The following C12orf42 variants were observed in gnomAD, a reference collection of about 807,000 sequenced individuals.
C12orf42 encodes the protein chromosome 12 open reading frame 42.
In C12orf42, 25 loss-of-function variants were observed where a neutral mutation model predicts 21.6. That is an observed-to-expected ratio of 1.16 (90% confidence interval 0.84 to 1.62). The LOEUF (loss-of-function observed/expected upper bound fraction) is 1.62. Among genes scored for constraint, C12orf42 ranks in the 40% most tolerant of loss-of-function variants. The pLI, the probability that C12orf42 is intolerant of heterozygous loss-of-function variation, is 0.00. For missense variants in C12orf42, 483 were observed against 459.3 expected, an observed-to-expected ratio of 1.05 and a Z score of -0.47; for synonymous variants, 174 against 175.0, an observed-to-expected ratio of 0.99 and a Z score of 0.05.
chr12:103,480,845 T>C (rs1182180463), intron 1 of C12orf42, among the ~76,000 whole-genome samples: 1 of 151,658 alleles, frequency 6.6e-6, no homozygotes, highest in Non-Finnish European at 1.5e-5. Context: ...CATATGTGCT[T>C]AGATTCAATA....
At chr12:103,329,424 A>G (rs2041016877) in intron 4 of C12orf42, among the ~76,000 whole-genome samples, 1 of 152,122 alleles carries the variant, frequency 6.6e-6, no homozygotes, top group Non-Finnish European at 1.5e-5. Context: ...ACAAATACCT[A>G]ATGCATGTGG....
chr12:103,497,905 C>T (rs773588349), upstream of C12orf42, among the ~76,000 whole-genome samples: 46 of 152,116 alleles, frequency 3.0e-4, no homozygotes, highest in Non-Finnish European at 2.9e-5. Flanking sequence ...TGTGGTGGCA[C>T]GCGCCCATAG....
chr12:103,556,406 T>C, the C12orf42 span, among the ~76,000 whole-genome samples: 1 of 152,326 alleles, frequency 6.6e-6, no homozygotes, highest in African/African-American at 2.4e-5. Flanking sequence ...ATAAGGAATA[T>C]CAAGGCAATA....
At chr12:103,072,401 T>C in the C12orf42 span, among the ~76,000 whole-genome samples, 3 of 151,970 alleles carry the variant, frequency 2.0e-5, no homozygotes. Context: ...TCTCGGAAAC[T>C]TCTTTAACAA....
At chr12:103,179,405 T>C in the C12orf42 span, among the ~76,000 whole-genome samples, 28 of 152,170 alleles carry the variant, frequency 1.8e-4, no homozygotes, top group Non-Finnish European at 2.9e-4. Flanking sequence ...GGGCTGAGAT[T>C]TGAAGAATAT....
intron 3 of C12orf42, among the ~76,000 whole-genome samples, chr12:103,380,615 G>A (rs1475855839): frequency 1.3e-5 from 2 of 152,162 alleles, no homozygotes; most frequent in African/African-American, 4.8e-5. Context: ...TGCAAGGTAA[G>A]TTAGCTGAGA....
the C12orf42 span, among the ~76,000 whole-genome samples, chr12:103,520,382 AT>A: frequency 2.0e-5 from 3 of 152,094 alleles, no homozygotes; most frequent in Non-Finnish European, 4.4e-5. Flanking sequence ...CAGAATATCT[AT>A]TTTTTATTAT....
the C12orf42 span, among the ~76,000 whole-genome samples, chr12:103,070,839 G>A: frequency 6.6e-6 from 1 of 152,150 alleles, no homozygotes; most frequent in African/African-American, 2.4e-5. Flanking sequence ...TCATGAAAGT[G>A]AGTGTCAACA....
chr12:103,397,460 C>T (rs993106088), intron 3 of C12orf42, among the ~76,000 whole-genome samples: 2 of 152,106 alleles, frequency 1.3e-5, no homozygotes, highest in Non-Finnish European at 2.9e-5. Flanking sequence ...CACAGGAGCT[C>T]GAACCCTATT....
the C12orf42 span, among the ~76,000 whole-genome samples, chr12:103,513,458 C>A: frequency 6.6e-6 from 1 of 152,156 alleles, no homozygotes; most frequent in Non-Finnish European, 1.5e-5. Flanking sequence ...AACAAATACT[C>A]CCCTCTTTGC....
the C12orf42 span, among the ~76,000 whole-genome samples, chr12:103,062,817 A>T: frequency 1.3e-5 from 2 of 151,942 alleles, no homozygotes; most frequent in Non-Finnish European, 1.5e-5. Context: ...ATTTCTAATA[A>T]TTTTTTTACA....
the C12orf42 span, among the ~76,000 whole-genome samples, chr12:103,167,375 G>T: frequency 6.6e-6 from 1 of 152,148 alleles, no homozygotes; most frequent in Non-Finnish European, 1.5e-5. Flanking sequence ...GGACAATTTT[G>T]TGTCCCCCCA....
At chr12:103,542,159 A>C in the C12orf42 span, among the ~76,000 whole-genome samples, 20 of 152,238 alleles carry the variant, frequency 1.3e-4, no homozygotes, top group African/African-American at 4.8e-4. Flanking sequence ...CAGTCAAAGA[A>C]AAAGTTTTCT....
At chr12:103,463,666 G>A (rs958262330) in intron 2 of C12orf42, among the ~76,000 whole-genome samples, 2 of 152,090 alleles carry the variant, frequency 1.3e-5, no homozygotes, top group Non-Finnish European at 2.9e-5. Context: ...CATGTGCTAC[G>A]GTAGTTTGCC....
intron 4 of C12orf42, among the ~76,000 whole-genome samples, chr12:103,341,300 C>T (rs1165606239): frequency 6.6e-6 from 1 of 151,964 alleles, no homozygotes; most frequent in Non-Finnish European, 1.5e-5. Flanking sequence ...GGCTATAGTA[C>T]ACTATGATCG....
chr12:103,220,419 GAGAA>G, the C12orf42 span, among the ~76,000 whole-genome samples: 1 of 151,956 alleles, frequency 6.6e-6, no homozygotes, highest in African/African-American at 2.4e-5. Context: ...ATAGAAAAGG[GAGAA>G]AGACTGACCA....
chr12:103,337,893 A>G (rs1469959329), intron 4 of C12orf42, among the ~76,000 whole-genome samples: 7 of 152,130 alleles, frequency 4.6e-5, no homozygotes, highest in Non-Finnish European at 1.0e-4. Context: ...TTATTTGCCA[A>G]GATTCAATCA....
chr12:103,472,745 C>T (rs2137905014), intron 2 of C12orf42, among the ~76,000 whole-genome samples: 1 of 152,210 alleles, frequency 6.6e-6, no homozygotes, highest in East Asian at 1.9e-4. Context: ...TATAGACAAA[C>T]CACAATGATA....
At chr12:103,498,221 G>T (rs1463002506), upstream of C12orf42, among the ~76,000 whole-genome samples, 2 of 152,228 alleles carry the variant, frequency 1.3e-5, no homozygotes, top group East Asian at 3.8e-4. Flanking sequence ...GTATCATGAA[G>T]TACAGAGAAG....
Sources: allele counts gnomAD v4.1 joint callset (sites outside exome capture counted in the v4.1 genomes callset), GRCh38; gene constraint gnomAD v4.1.1; transcripts MANE v1.5; gene names NCBI Gene and HGNC (gene_info 2026-07-23, HGNC 2026-07-21).